Variants in FAM240A observed in about 807,000 individuals in gnomAD.
FAM240A encodes protein FAM240A.
A neutral mutation model predicts 7.3 loss-of-function variants in FAM240A; 8 were observed. The ratio of observed to expected loss-of-function variants is 1.09; its 90% CI spans 0.64 to 1.97. FAM240A has a LOEUF of 1.97. Among genes scored for constraint, FAM240A ranks in the 30% most tolerant of loss-of-function variants. The pLI is 0.00. For missense variants in FAM240A, 90 were observed against 102.2 expected, an observed-to-expected ratio of 0.88 and a Z score of 0.52; for synonymous variants, 32 against 35.9, an observed-to-expected ratio of 0.89 and a Z score of 0.38.
At chr3:46,617,160 T>G in intron 1 of FAM240A, 23 bp from the exon 2 acceptor site, 1 of 1,487,116 alleles carries the variant, frequency 6.7e-7, no homozygotes, top group Non-Finnish European at 8.9e-7. Flanking sequence ...TTTGGTTATT[T>G]GTATGGCTAT....
chr3:46,622,880 C>T (rs1697713074), intron 2 of FAM240A, among the ~76,000 whole-genome samples: 1 of 152,100 alleles, frequency 6.6e-6, no homozygotes, highest in African/African-American at 2.4e-5. Context: ...TTGGAATCAA[C>T]TTGTCAGTTT....
intron 2 of FAM240A, among the ~76,000 whole-genome samples, chr3:46,618,250 C>A (rs942279323): frequency 6.6e-6 from 1 of 152,206 alleles, no homozygotes; most frequent in African/African-American, 2.4e-5. Flanking sequence ...CTTATAGAGA[C>A]CTGCTCAGCC....
At chr3:46,622,252 C>A (rs1316485649) in intron 2 of FAM240A, among the ~76,000 whole-genome samples, 1 of 151,404 alleles carries the variant, frequency 6.6e-6, no homozygotes, top group African/African-American at 2.4e-5. Flanking sequence ...ACTACAGGCG[C>A]CCGCCACCAT....
Position 46,612,579 on chromosome 3 carries a change from T to C in FAM240A, c.-105T>C. On this transcript the variant is annotated 5_prime_UTR_variant, in exon 1 of 3. Transcript: ENST00000640551. ...AGGGACAAATGTTCCTTTGTTCTTG[T>C]TGATTTGCTGAACGTGAATTGGCTC... is the stretch of plus-strand genomic sequence containing the variant. 2.3e-6 allele frequency: 2 copies of C among 851,296 alleles called. No homozygotes were observed. The highest frequency in any genetic ancestry group is 2.9e-5 in the South Asian group (2 of 69,358). 52.7% of individuals were successfully genotyped at this position (851,296 alleles called of 1,614,324 possible).
chr3:46,619,396 GA>G (rs1226168068), intron 2 of FAM240A, among the ~76,000 whole-genome samples: 1 of 152,172 alleles, frequency 6.6e-6, no homozygotes, highest in African/African-American at 2.4e-5. Context: ...AGAGAAGTAA[GA>G]GGGATGCTGG....
At position 46,617,187 on chromosome 3, in the gene FAM240A, T is replaced by C. The variant is rs538663026; in HGVS notation, c.20T>C (p.Met7Thr). Residue 7 changes from methionine (M) to threonine (T), a missense_variant, in exon 2 of 3, where the codon ATG becomes ACG. Met to Thr is a moderately conservative substitution (Grantham distance 81, BLOSUM62 -1). Coordinates refer to ENST00000640551, the MANE Select transcript of FAM240A (RefSeq NM_001195442.2). The part of the protein sequence containing the change: MRLFSG[M>T]NNQYTRREVF... ...TATGGCTATTTTCCTTTTTAGGGGA[T>C]GAACAATCAATACACCCGTCGGGAG... The C allele has an allele frequency of 1.3e-6, 2 of 1,524,226 alleles. No homozygotes were observed. Among genetic ancestry groups the C allele is most frequent in the African/African-American group, 2.8e-5 (2 of 72,644 alleles). The allele number at this position is 1,524,226 out of a possible 1,614,324, so 94.4% of individuals were successfully genotyped here.
rs1190741465 is a variant in FAM240A at position 46,617,335 on chromosome 3, G to A, written c.161+7G>A. 1 of 1,509,740 alleles carries A rather than the reference G, an allele frequency of 6.6e-7. No individual in the cohort carries two copies. 93.5% of individuals were successfully genotyped at this position (1,509,740 alleles called of 1,614,324 possible). A position where few individuals can be genotyped will look rare whatever the true frequency, so the allele number is the denominator to read the frequency against. On this transcript the variant is annotated splice_region_variant and intron_variant, in intron 2 of 2. Transcript: ENST00000640551. ...GAAGAAGCGCACTGAGAAAGTATGT[G>A]GCTTGTTTGTCTACTTTTTAGAATT...
rs1176519428 is a variant in FAM240A, at chr3:46,626,273, A to G, written c.*1055A>G. ...AGAAGAATGTGTGTTCGGAGTCCCA[A>G]GCTAAGGAATCCGGGAGTGGCCAAC... On this transcript the variant is annotated 3_prime_UTR_variant, in exon 3 of 3. Transcript: ENST00000640551. The G allele has an allele frequency of 6.6e-6, 1 of 152,202 alleles. No homozygotes were observed. Among genetic ancestry groups the G allele is most frequent in the East Asian group, 1.9e-4 (1 of 5,204 alleles). The allele number at this position is 152,202 out of a possible 1,614,324, so 9.4% of individuals were successfully genotyped here. A position where few individuals can be genotyped will look rare whatever the true frequency, so the allele number is the denominator to read the frequency against.
intron 2 of FAM240A, among the ~76,000 whole-genome samples, chr3:46,620,014 G>A (rs977552701): frequency 3.9e-5 from 6 of 152,090 alleles, no homozygotes; most frequent in African/African-American, 1.4e-4. Context: ...TCTTGGATGG[G>A]TCTTTGCTGC....
At chr3:46,614,720 T>C (rs1043459530) in intron 1 of FAM240A, among the ~76,000 whole-genome samples, 3 of 152,198 alleles carry the variant, frequency 2.0e-5, no homozygotes, top group Admixed American at 6.5e-5. Context: ...AGGACATGGT[T>C]CAACTTAAGA....
intron 2 of FAM240A, among the ~76,000 whole-genome samples, 165 bp from the exon 3 acceptor site, chr3:46,624,963 T>TTATATATATA (rs10539495): frequency 7.6e-4 from 112 of 146,640 alleles, no homozygotes; most frequent in African/African-American, 2.1e-3. Flanking sequence ...TATGAATAAA[T>TTATATATATA]TATATATATA....
chr3:46,614,594 C>T (rs1175163666), intron 1 of FAM240A, among the ~76,000 whole-genome samples: 2 of 152,204 alleles, frequency 1.3e-5, no homozygotes, highest in East Asian at 3.8e-4. Flanking sequence ...CCATTTTACA[C>T]ATGTGGGACA....
In FAM240A at chr3:46,625,980, A is replaced by G. The variant is rs577340093; in HGVS notation, c.*762A>G. 1 of 152,304 alleles carries G rather than the reference A, an allele frequency of 6.6e-6. No homozygotes were observed. The highest frequency in any genetic ancestry group is 2.1e-4 in the South Asian group (1 of 4,820). The allele number at this position is 152,304 out of a possible 1,614,324, so 9.4% of individuals were successfully genotyped here. A position where few individuals can be genotyped will look rare whatever the true frequency, so the allele number is the denominator to read the frequency against. On this transcript the variant is annotated 3_prime_UTR_variant, in exon 3 of 3. Transcript: ENST00000640551. ...CAGATTCTGGATTTTGAAATGGTAT[A>G]GTCACTCCCTTGCCATCTCTCAAGT...
intron 2 of FAM240A, among the ~76,000 whole-genome samples, chr3:46,624,273 T>A (rs1323652168): frequency 5.6e-5 from 8 of 142,988 alleles, no homozygotes; most frequent in Non-Finnish European, 1.2e-4. Flanking sequence ...TATTTTTTTT[T>A]TTTTTTTTTT....
chr3:46,617,751 T>C (rs1697647272), intron 2 of FAM240A, among the ~76,000 whole-genome samples: 1 of 152,058 alleles, frequency 6.6e-6, no homozygotes, highest in Admixed American at 6.6e-5. Flanking sequence ...ACTATGTCTG[T>C]GAAAAGCAAT....
At chr3:46,615,268 G>A (rs1317809909) in intron 1 of FAM240A, among the ~76,000 whole-genome samples, 1 of 151,964 alleles carries the variant, frequency 6.6e-6, no homozygotes, top group Non-Finnish European at 1.5e-5. Context: ...CTTCCCCCTG[G>A]GGGTCGGCAC....
At chr3:46,615,832 G>A (rs544303732) in intron 1 of FAM240A, among the ~76,000 whole-genome samples, 1 of 151,604 alleles carries the variant, frequency 6.6e-6, no homozygotes, top group Non-Finnish European at 1.5e-5. Flanking sequence ...CCACACACAA[G>A]AGCCCACATG....
intron 2 of FAM240A, among the ~76,000 whole-genome samples, chr3:46,621,103 T>C (rs180767956): frequency 1.8e-4 from 27 of 152,202 alleles, no homozygotes; most frequent in Admixed American, 3.3e-4. Context: ...AAAAACGTTA[T>C]CTTGAAAAAA....
intron 2 of FAM240A, among the ~76,000 whole-genome samples, chr3:46,618,878 T>C (rs371946545): frequency 0.079 from 5,821 of 73,856 alleles, 397 homozygotes; most frequent in African/African-American, 0.25. Context: ...TATATATATA[T>C]ATATACACAC....
Sources: gnomAD v4.1 joint callset for allele counts (sites outside exome capture counted in the v4.1 genomes callset) on GRCh38, gnomAD v4.1.1 for gene constraint, MANE v1.5 for transcripts, NCBI Gene and HGNC (gene_info 2026-07-23, HGNC 2026-07-21) for gene names.